Variants in MAP3K5 observed in about 807,000 individuals in gnomAD.
The protein encoded by MAP3K5 is mitogen-activated protein kinase kinase kinase 5, also known as ASK-1.
MAP3K5 carries 56 observed loss-of-function variants against 158.7 expected under a neutral mutation model. The observed-to-expected ratio is 0.35, with a 90% CI of 0.28 to 0.44. The LOEUF (loss-of-function observed/expected upper bound fraction) is 0.44. MAP3K5 is among the 20% of genes least tolerant of loss of function. MAP3K5 has a pLI of 1.00. For missense variants in MAP3K5, 1,294 were observed against 1,674.8 expected (o/e 0.77, Z 3.97); for synonymous variants, 579 against 601.7 (o/e 0.96, Z 0.55).
rs763877652 is a variant in MAP3K5 at position 136,659,270 on chromosome 6, A to G, written c.1475T>C (p.Met492Thr). The change falls in exon 9 of 30, where the codon ATG becomes ACG. Residue 492 changes from methionine (M) to threonine (T), a missense_variant. Physicochemically the swap from Met to Thr is moderately conservative, Grantham distance 81. Around this residue, in one of 5 missense-constraint regions of MAP3K5, gnomAD observed 690 missense variants for 870.5 expected, o/e 0.79. Transcript: ENST00000359015. ...LGASVLANDH[M>T]RVIQASEKLF... ...CTTTTCAGATGCTTGAATGACTCTC[A>G]TGTGGTCATTGGCTAGGACGCTGGC... 8.7e-6 allele frequency: 14 copies of G among 1,614,130 alleles called. No individual in the cohort carries two copies. The South Asian group carries it at 1.1e-4, about 13-fold the overall frequency.
intron 1 of MAP3K5, among the ~76,000 whole-genome samples, chr6:136,772,163 C>G (rs1475182367): frequency 6.6e-6 from 1 of 151,048 alleles, no homozygotes; most frequent in Non-Finnish European, 1.5e-5. Flanking sequence ...GTGATCTGCG[C>G]CCCTCGGCCT....
At chr6:136,781,010 T>C (rs1784591166) in intron 1 of MAP3K5, among the ~76,000 whole-genome samples, 1 of 152,166 alleles carries the variant, frequency 6.6e-6, no homozygotes, top group South Asian at 2.1e-4. Context: ...AGGCATATTA[T>C]AGGCAATTAA....
At chr6:136,757,619 C>T (rs1369043126) in intron 1 of MAP3K5, among the ~76,000 whole-genome samples, 2 of 134,418 alleles carry the variant, frequency 1.5e-5, no homozygotes, top group Non-Finnish European at 3.1e-5. Flanking sequence ...CGGAGTTTCG[C>T]TCTTGCTGCC....
At chr6:136,676,800 T>C (rs1465821864) in intron 7 of MAP3K5, among the ~76,000 whole-genome samples, 2 of 149,742 alleles carry the variant, frequency 1.3e-5, no homozygotes, top group African/African-American at 2.4e-5. Context: ...TTTCTTTTTT[T>C]TTTTTTTTTG....
intron 1 of MAP3K5, among the ~76,000 whole-genome samples, chr6:136,756,204 G>A (rs1030704876): frequency 6.6e-6 from 1 of 151,710 alleles, no homozygotes; most frequent in Non-Finnish European, 1.5e-5. Context: ...TGTAGTCCTA[G>A]CTACTGGAGA....
chr6:136,585,728 C>T (rs898667067), intron 23 of MAP3K5, among the ~76,000 whole-genome samples: 5 of 151,916 alleles, frequency 3.3e-5, no homozygotes, highest in African/African-American at 1.2e-4. Context: ...AACTCGTGAC[C>T]TCAAGTGATC....
At chr6:136,570,472 C>T (rs985706299) in intron 25 of MAP3K5, among the ~76,000 whole-genome samples, 5 of 152,146 alleles carry the variant, frequency 3.3e-5, no homozygotes, top group East Asian at 1.9e-4. Context: ...CCTCTAGTCC[C>T]GGTCCTGTAA....
At chr6:136,634,635 A>G (rs1777530903) in intron 14 of MAP3K5, among the ~76,000 whole-genome samples, 1 of 151,808 alleles carries the variant, frequency 6.6e-6, no homozygotes, top group South Asian at 2.1e-4. Context: ...GCTGGAGTGC[A>G]GTGGTGCGAT....
chr6:136,790,751 C>G (rs1785040765), intron 1 of MAP3K5, among the ~76,000 whole-genome samples: 1 of 152,150 alleles, frequency 6.6e-6, no homozygotes, highest in Non-Finnish European at 1.5e-5. Flanking sequence ...AAGTTTTTAC[C>G]CACAAATGTA....
chr6:136,791,583 C>A, intron 1 of MAP3K5, 127 bp downstream of exon 1: 1 of 997,678 alleles, frequency 1.0e-6, no homozygotes, highest in Non-Finnish European at 1.5e-6. Flanking sequence ...CACGCAGCGG[C>A]GCTCGCTGCC....
At chr6:136,746,312 C>G (rs551896361) in intron 1 of MAP3K5, among the ~76,000 whole-genome samples, 2 of 151,752 alleles carry the variant, frequency 1.3e-5, no homozygotes, top group Non-Finnish European at 2.9e-5. Context: ...AATACAAATA[C>G]GTTCATGTCT....
At chr6:136,736,376 T>A (rs1250894679) in intron 1 of MAP3K5, among the ~76,000 whole-genome samples, 2 of 152,254 alleles carry the variant, frequency 1.3e-5, no homozygotes, top group Non-Finnish European at 2.9e-5. Context: ...ATTTACTTCT[T>A]CTAATAGTAT....
intron 2 of MAP3K5, among the ~76,000 whole-genome samples, chr6:136,707,418 G>A (rs1280006743): frequency 6.6e-6 from 1 of 152,210 alleles, no homozygotes; most frequent in African/African-American, 2.4e-5. Context: ...ACCTCCAAAG[G>A]CAAAGCCCGA....
intron 19 of MAP3K5, among the ~76,000 whole-genome samples, chr6:136,603,827 C>T (rs918316871): frequency 2.0e-5 from 3 of 152,202 alleles, no homozygotes; most frequent in Non-Finnish European, 4.4e-5. Context: ...TTGGCACCTG[C>T]CATTGCTCTC....
chr6:136,653,392 T>C (rs1041354408), intron 10 of MAP3K5, among the ~76,000 whole-genome samples: 2 of 152,220 alleles, frequency 1.3e-5, no homozygotes, highest in Non-Finnish European at 2.9e-5. Flanking sequence ...TAGGCCATCC[T>C]GGATTTTATT....
chr6:136,779,221 T>A (rs898906709), intron 1 of MAP3K5, among the ~76,000 whole-genome samples: 2 of 151,988 alleles, frequency 1.3e-5, no homozygotes, highest in Non-Finnish European at 2.9e-5. Context: ...TACTCCAGCC[T>A]GGGTATAGAG....
chr6:136,740,167 T>C (rs1430245891), intron 1 of MAP3K5, among the ~76,000 whole-genome samples: 2 of 152,258 alleles, frequency 1.3e-5, no homozygotes, highest in Non-Finnish European at 2.9e-5. Context: ...GCCCTCGCTC[T>C]TCACAGTAAA....
At chr6:136,772,651 A>T (rs1784253128) in intron 1 of MAP3K5, among the ~76,000 whole-genome samples, 1 of 152,214 alleles carries the variant, frequency 6.6e-6, no homozygotes, top group Non-Finnish European at 1.5e-5. Context: ...CTAAAAATCA[A>T]GCCGAGTTTT....
chr6:136,791,494 T>C (rs1657438553), intron 1 of MAP3K5, among the ~76,000 whole-genome samples: 1 of 152,070 alleles, frequency 6.6e-6, no homozygotes, highest in Non-Finnish European at 1.5e-5. Context: ...GGTGGATCCA[T>C]AGGTCTATCG....
Sources: allele counts gnomAD v4.1 joint callset (sites outside exome capture counted in the v4.1 genomes callset), GRCh38; gene constraint gnomAD v4.1.1; regional missense constraint gnomAD v4.1.1; transcripts MANE v1.5; gene names NCBI Gene and HGNC (gene_info 2026-07-23, HGNC 2026-07-21).